Variants in SNX29 observed in about 807,000 individuals in gnomAD.
SNX29 encodes the protein sorting nexin-29.
A neutral mutation model predicts 102.1 loss-of-function variants in SNX29; 78 were observed. That is an observed-to-expected ratio of 0.76 (90% CI 0.64 to 0.92). SNX29 has a LOEUF of 0.92. Among genes scored for constraint, SNX29 ranks in the 40% least tolerant of loss-of-function variants. SNX29 has a pLI of 0.00. For missense variants in SNX29, 1,280 were observed against 1,061.7 expected, an observed-to-expected ratio of 1.21 and a Z score of -2.86; for synonymous variants, 580 against 414.5, an observed-to-expected ratio of 1.40 and a Z score of -4.85.
intron 11 of SNX29, among the ~76,000 whole-genome samples, chr16:12,085,716 A>G (rs536535231): frequency 6.6e-6 from 1 of 152,350 alleles, no homozygotes; most frequent in African/African-American, 2.4e-5. Flanking sequence ...TAGTAAAAGT[A>G]ACAGTATATT....
In SNX29 at chr16:12,552,363, C is replaced by T. The variant is rs551236448; in HGVS notation, c.2319-16143C>T. 4.6e-5 allele frequency among the ~76,000 whole-genome samples: 7 copies of T among 152,168 alleles called. No homozygotes were observed. In the East Asian group the frequency reaches 1.2e-3, roughly 25 times the overall value. ...TCTGTGAGGGTTTAATAAGCCAATA[C>T]ACGTGTAAGACAGCAAGCATGGTAC... On this transcript the variant is annotated intron_variant, in intron 20 of 20. Transcript: ENST00000566228.
intron 20 of SNX29, chr16:12,557,585 C>G (rs528610217): frequency 1.3e-5 from 2 of 152,182 alleles, no homozygotes; most frequent in Non-Finnish European, 2.9e-5. Flanking sequence ...TGATCTTGAA[C>G]TCCTGACCTC....
chr16:12,406,320 T>C (rs763725973), intron 18 of SNX29, among the ~76,000 whole-genome samples: 1 of 152,238 alleles, frequency 6.6e-6, no homozygotes, highest in South Asian at 2.1e-4. Context: ...TAAGAAAATA[T>C]GTTAATTCTT....
At chr16:12,137,242 A>G (rs1358670626) in intron 13 of SNX29, among the ~76,000 whole-genome samples, 2 of 152,186 alleles carry the variant, frequency 1.3e-5, no homozygotes, top group East Asian at 3.9e-4. Flanking sequence ...CGCTCAGTGA[A>G]TGTCACCTAA....
At chr16:12,557,675 T>C (rs1465201395) in intron 20 of SNX29, 2 of 152,190 alleles carry the variant, frequency 1.3e-5, no homozygotes, top group Non-Finnish European at 2.9e-5. Flanking sequence ...AAAATCTTTT[T>C]GATGAGTGGC....
At chr16:12,179,755 C>T (rs1000608749) in intron 13 of SNX29, among the ~76,000 whole-genome samples, 1 of 152,142 alleles carries the variant, frequency 6.6e-6, no homozygotes, top group Non-Finnish European at 1.5e-5. Context: ...CACGTTGTTA[C>T]TAGTTTGTGC....
intron 15 of SNX29, among the ~76,000 whole-genome samples, chr16:12,313,397 G>A (rs772469417): frequency 1.6e-4 from 24 of 152,152 alleles, no homozygotes; most frequent in Non-Finnish European, 3.1e-4. Context: ...GTTGTAGAAG[G>A]GGTAAAATGG....
intron 14 of SNX29, among the ~76,000 whole-genome samples, chr16:12,200,779 C>G (rs774163560): frequency 3.3e-4 from 51 of 152,338 alleles, no homozygotes; most frequent in Non-Finnish European, 5.4e-4. Context: ...GCCACCGCTC[C>G]CAGCCCACAT....
chr16:12,349,915 AATG>A (rs2081947908), intron 15 of SNX29, among the ~76,000 whole-genome samples: 1 of 152,248 alleles, frequency 6.6e-6, no homozygotes, highest in African/African-American at 2.4e-5. Context: ...TTCATTGCAG[AATG>A]ATATTTTGCT....
rs1246040073 is a variant in SNX29 at position 12,405,945 on chromosome 16, C to T, written c.2037+2416C>T. Reference sequence around the variant, plus strand: ...TACTTGGGAGGCTGAGGCAGGAGAACGGCTTGAACCCAGGAGGCAGAGATT... The same window carrying T: ...TACTTGGGAGGCTGAGGCAGGAGAATGGCTTGAACCCAGGAGGCAGAGATT... On this transcript the variant is annotated intron_variant, in intron 18 of 20. Transcript: ENST00000566228. Among the ~76,000 whole-genome samples the T allele has an allele frequency of 7.9e-5, 12 of 151,930 alleles. No individual in the cohort carries two copies. In the East Asian group the frequency reaches 1.9e-3, roughly 25 times the overall value.
intron 20 of SNX29, among the ~76,000 whole-genome samples, chr16:12,567,661 C>A (rs1228186395): frequency 6.6e-6 from 1 of 152,118 alleles, no homozygotes; most frequent in Non-Finnish European, 1.5e-5. Flanking sequence ...GCTCAGGAGG[C>A]TGAGGTGAGA....
chr16:12,273,353 T>G (rs9939640), intron 14 of SNX29, among the ~76,000 whole-genome samples: 16,498 of 151,648 alleles, frequency 0.11, 1,891 homozygotes, highest in African/African-American at 0.29. Context: ...TTTTTTTTTT[T>G]TTGTTGTTGT....
chr16:12,279,222 G>C (rs1013633072), intron 15 of SNX29, among the ~76,000 whole-genome samples: 3 of 152,226 alleles, frequency 2.0e-5, no homozygotes, highest in African/African-American at 7.2e-5. Context: ...GCTCATTGCT[G>C]TGTAGACATA....
At chr16:12,482,269 CCTTTTT>C (rs1391410480) in intron 19 of SNX29, among the ~76,000 whole-genome samples, 1 of 145,716 alleles carries the variant, frequency 6.9e-6, no homozygotes, top group African/African-American at 2.4e-5. Flanking sequence ...TTCTCCTTTT[CCTTTTT>C]CTTTTTCCTT....
intron 1 of SNX29, among the ~76,000 whole-genome samples, chr16:11,979,996 A>C (rs1213191000): frequency 6.6e-6 from 1 of 152,218 alleles, no homozygotes; most frequent in African/African-American, 2.4e-5. Flanking sequence ...AGTAAGGTTT[A>C]AACAGTGCAC....
chr16:12,449,203 A>G (rs1377596144), intron 18 of SNX29, among the ~76,000 whole-genome samples: 1 of 152,082 alleles, frequency 6.6e-6, no homozygotes, highest in Non-Finnish European at 1.5e-5. Flanking sequence ...GGTCTAGGGC[A>G]TTGGAGGAAC....
intron 18 of SNX29, among the ~76,000 whole-genome samples, chr16:12,429,105 T>C (rs2085206209): frequency 6.6e-6 from 1 of 152,106 alleles, no homozygotes; most frequent in Non-Finnish European, 1.5e-5. Flanking sequence ...ACAGATACGA[T>C]TGCGATTAAT....
At chr16:12,484,820 A>G (rs1001578599) in intron 19 of SNX29, among the ~76,000 whole-genome samples, 1 of 151,930 alleles carries the variant, frequency 6.6e-6, no homozygotes, top group Non-Finnish European at 1.5e-5. Flanking sequence ...CTCTGCTTTA[A>G]TTTTCTTCCC....
rs2077677710 is a variant in SNX29 at position 12,547,442 on chromosome 16, T to C, written c.2319-21064T>C. ...ATGTGGGCACCCCGGGGAGAGGGGA[T>C]GGTGCCTCAGGCAGCCTGGGAAGGG... On this transcript the variant is annotated intron_variant, in intron 20 of 20. Transcript: ENST00000566228. 2.0e-5 allele frequency among the ~76,000 whole-genome samples: 3 copies of C among 152,114 alleles called. No homozygotes were observed. In the South Asian group the frequency reaches 6.2e-4, roughly 31 times the overall value.
Sources: gnomAD v4.1 joint callset for allele counts (sites outside exome capture counted in the v4.1 genomes callset) on GRCh38, gnomAD v4.1.1 for gene constraint, MANE v1.5 for transcripts, NCBI Gene and HGNC (gene_info 2026-07-23, HGNC 2026-07-21) for gene names.